Variants in UNC5C observed in about 807,000 individuals in gnomAD.
UNC5C encodes unc-5 netrin receptor C.
Under a neutral mutation model 99.8 loss-of-function variants are expected in UNC5C, and 47 were observed. The ratio of observed to expected loss-of-function variants is 0.47; its 90% confidence interval spans 0.37 to 0.60. The LOEUF (loss-of-function observed/expected upper bound fraction) is 0.60, where lower values mean the gene tolerates loss of function less well. Ranked by LOEUF, UNC5C falls within the 20% of genes least tolerant of loss-of-function variation. The pLI, the probability that UNC5C is intolerant of heterozygous loss-of-function variation, is 0.00. For missense variants in UNC5C, 1,062 were observed against 1,165.9 expected (o/e 0.91, Z 1.30); for synonymous variants, 487 against 452.2 (o/e 1.08, Z -0.98).
At chr4:95,533,674 G>A (rs1722708518) in intron 1 of UNC5C, among the ~76,000 whole-genome samples, 1 of 151,928 alleles carries the variant, frequency 6.6e-6, no homozygotes, top group Non-Finnish European at 1.5e-5. Flanking sequence ...AATACATTAT[G>A]GCACAAAATA....
intron 1 of UNC5C, among the ~76,000 whole-genome samples, chr4:95,410,992 C>G (rs556523828): frequency 6.6e-6 from 1 of 152,200 alleles, no homozygotes; most frequent in Non-Finnish European, 1.5e-5. Context: ...ATAACAATGT[C>G]CACCTAAACT....
intron 7 of UNC5C, among the ~76,000 whole-genome samples, chr4:95,236,551 G>T (rs1247778460): frequency 6.6e-6 from 1 of 151,364 alleles, no homozygotes; most frequent in Non-Finnish European, 1.5e-5. Flanking sequence ...CCTGCATGTT[G>T]TGAACATGTG....
At chr4:95,421,668 T>A (rs1324157172) in intron 1 of UNC5C, among the ~76,000 whole-genome samples, 1 of 150,220 alleles carries the variant, frequency 6.7e-6, no homozygotes, top group African/African-American at 2.5e-5. Context: ...ACAATAGTTC[T>A]CATCAGATTA....
In UNC5C at chr4:95,335,546, T is replaced by A. The variant is rs556734066; in HGVS notation, c.210A>T (p.Glu70Asp). 3.1e-6 allele frequency: 5 copies of A among 1,612,442 alleles called. 1 individual carries two copies. The South Asian group carries it at 5.5e-5, about 18-fold the overall frequency. ...PLPHFLIEPE[E>D]AYIVKNKPVN... Reference sequence around the variant, plus strand: ...CGGGCTTATTCTTCACAATATAAGCTTCTTCAGGCTCAATAAGGAAATGTG... The same window carrying A: ...CGGGCTTATTCTTCACAATATAAGCATCTTCAGGCTCAATAAGGAAATGTG... Residue 70 changes from glutamate to aspartate, a missense_variant, in exon 2 of 16, where the codon GAA (glutamate) becomes GAT (aspartate). By Grantham distance (45) the Glu-to-Asp change is conservative. Coordinates refer to ENST00000453304, the MANE Select transcript of UNC5C (RefSeq NM_003728.4).
chr4:95,191,008 A>G (rs751279496), intron 12 of UNC5C, among the ~76,000 whole-genome samples: 10 of 152,202 alleles, frequency 6.6e-5, no homozygotes, highest in Admixed American at 1.3e-4. Flanking sequence ...AAGAGCCACA[A>G]TAAATCCAGG....
chr4:95,409,772 T>C (rs1745928660), intron 1 of UNC5C, among the ~76,000 whole-genome samples: 1 of 152,330 alleles, frequency 6.6e-6, no homozygotes, highest in African/African-American at 2.4e-5. Flanking sequence ...CTTCATTGCA[T>C]TCACAAGCAT....
intron 2 of UNC5C, among the ~76,000 whole-genome samples, chr4:95,308,751 C>CAAAAAAAAAAAAAAAAAAAAAAAAAA (rs59626139): frequency 8.7e-5 from 3 of 34,396 alleles, no homozygotes; most frequent in African/African-American, 1.1e-4. Flanking sequence ...GACTCTGTCT[C>CAAAAAAAAAAAAAAAAAAAAAAAAAA]AAAAAAAAAA....
intron 14 of UNC5C, among the ~76,000 whole-genome samples, chr4:95,178,142 A>C (rs1408141920): frequency 6.6e-6 from 1 of 152,206 alleles, no homozygotes; most frequent in African/African-American, 2.4e-5. Flanking sequence ...ATCTAATCTC[A>C]GGTTGCCCCG....
At chr4:95,420,636 T>A (rs146020404) in intron 1 of UNC5C, among the ~76,000 whole-genome samples, 46 of 152,248 alleles carry the variant, frequency 3.0e-4, no homozygotes, top group Admixed American at 2.9e-3. Context: ...CAATGACCTA[T>A]AAGAGTAAAC....
At chr4:95,538,623 G>A (rs1578216243) in intron 1 of UNC5C, among the ~76,000 whole-genome samples, 1 of 152,108 alleles carries the variant, frequency 6.6e-6, no homozygotes, top group East Asian at 1.9e-4. Flanking sequence ...AATGGTATAT[G>A]TATGAAAGAA....
chr4:95,535,804 G>A (rs552904977), intron 1 of UNC5C, among the ~76,000 whole-genome samples: 9 of 151,632 alleles, frequency 5.9e-5, no homozygotes, highest in African/African-American at 7.3e-5. Flanking sequence ...ATCCAAACAC[G>A]CACACACGGG....
chr4:95,258,669 T>C (rs1740097331), intron 4 of UNC5C, among the ~76,000 whole-genome samples: 2 of 151,626 alleles, frequency 1.3e-5, no homozygotes, highest in South Asian at 4.2e-4. Context: ...TACACGGCAA[T>C]ATTAGAATGA....
chr4:95,270,964 T>G (rs538782472), intron 4 of UNC5C, among the ~76,000 whole-genome samples: 6 of 152,332 alleles, frequency 3.9e-5, no homozygotes, highest in African/African-American at 1.4e-4. Flanking sequence ...AGTCTGACCA[T>G]CTGTAGAAAA....
intron 10 of UNC5C, 55 bp from the exon 11 acceptor site, chr4:95,206,851 A>T: frequency 7.3e-7 from 1 of 1,366,326 alleles, no homozygotes; most frequent in Non-Finnish European, 9.6e-7. Flanking sequence ...TTCATGAACT[A>T]TGCACTTGGG....
intron 2 of UNC5C, among the ~76,000 whole-genome samples, chr4:95,335,179 A>G (rs1743285112): frequency 6.6e-6 from 1 of 152,006 alleles, no homozygotes; most frequent in South Asian, 2.1e-4. Flanking sequence ...AGTATGAACC[A>G]TGTTTTAATT....
rs139058672 is a variant in UNC5C, at chr4:95,464,757, T to C, written c.124+83977A>G. ...TCTTATCATGAGCATGAAAAAAGTT[T>C]CTAATAGGCTTTTGTTTCAACCTGA... is the stretch of plus-strand genomic sequence containing the variant. On this transcript the variant is annotated intron_variant, in intron 1 of 15. Coordinates refer to ENST00000453304, the MANE Select transcript of UNC5C (RefSeq NM_003728.4). Among the ~76,000 whole-genome samples, 6 of 152,332 alleles carry C rather than the reference T, an allele frequency of 3.9e-5. No homozygotes were observed. The East Asian group carries it at 7.7e-4, about 20-fold the overall frequency.
chr4:95,185,282 C>T (rs912665832), intron 12 of UNC5C, 86 bp from the exon 13 acceptor site: 3 of 1,479,632 alleles, frequency 2.0e-6, no homozygotes, highest in Non-Finnish European at 9.1e-7. Context: ...TTCTTTACTG[C>T]CTCCTGAATG....
intron 1 of UNC5C, among the ~76,000 whole-genome samples, chr4:95,461,767 T>A (rs752315404): frequency 2.0e-5 from 3 of 152,136 alleles, no homozygotes; most frequent in Non-Finnish European, 4.4e-5. Flanking sequence ...CCGAACCTGG[T>A]AGCAAGCAGG....
At chr4:95,336,306 G>A (rs1355676767) in intron 1 of UNC5C, among the ~76,000 whole-genome samples, 1 of 151,726 alleles carries the variant, frequency 6.6e-6, no homozygotes, top group African/African-American at 2.4e-5. Context: ...TTTTACAAAA[G>A]TCAAGGTAAA....
Sources: gnomAD v4.1 joint callset for allele counts (sites outside exome capture counted in the v4.1 genomes callset) on GRCh38, gnomAD v4.1.1 for gene constraint, MANE v1.5 for transcripts, NCBI Gene and HGNC (gene_info 2026-07-23, HGNC 2026-07-21) for gene names.